KCNH2: variants seen among roughly 807,000 people sequenced by gnomAD.
KCNH2 encodes the protein potassium voltage-gated channel subfamily H member 2.
A neutral mutation model predicts 95.9 loss-of-function variants in KCNH2; 35 were observed. That is an observed-to-expected ratio of 0.37 (90% CI 0.28 to 0.48). The LOEUF is 0.48. Among genes scored for constraint, KCNH2 ranks in the 20% least tolerant of loss-of-function variants. KCNH2 has a pLI of 0.99. For missense variants in KCNH2, 1,274 were observed against 1,702.9 expected, an observed-to-expected ratio of 0.75 and a Z score of 4.43; for synonymous variants, 786 against 754.7, an observed-to-expected ratio of 1.04 and a Z score of -0.68.
chr7:150,950,065 C>T (rs1042662025), intron 9 of KCNH2, 103 bp downstream of exon 9: 1 of 1,612,470 alleles, frequency 6.2e-7, no homozygotes, highest in African/African-American at 1.3e-5. Flanking sequence ...ACCCTGCAGG[C>T]AGTCCCAGGT....
At position 150,952,742 on chromosome 7, in the gene KCNH2, T is replaced by C. The variant is rs1801229604; in HGVS notation, c.1240A>G (p.Ile414Val). Residue 414 changes from isoleucine to valine, a missense_variant, in exon 6 of 15, where the codon ATC (isoleucine) becomes GTC (valine). Coordinates refer to ENST00000262186, the MANE Select transcript of KCNH2 (RefSeq NM_000238.4). This position sits in a 1 kb window ranked among gnomAD's most constrained non-coding sequence, Gnocchi z 7.3. ...SPFKAVWDWLILLLVIYTAVF... is the reference protein window; with the variant it reads ...SPFKAVWDWLVLLLVIYTAVF... ...GCCGTGTAGATGACCAGCAGCAGGA[T>C]GAGCCAGTCCCACACGGCCTTGAAG... The C allele has an allele frequency of 6.2e-7, 1 of 1,614,102 alleles. No individual in the cohort carries two copies. The highest frequency in any genetic ancestry group is 1.1e-5 in the South Asian group (1 of 91,070).
At chr7:150,964,903 G>T (rs111572101) in intron 2 of KCNH2, among the ~76,000 whole-genome samples, 2 of 152,186 alleles carry the variant, frequency 1.3e-5, no homozygotes, top group Non-Finnish European at 2.9e-5. Context: ...CCTGGCAGGG[G>T]GCCACCGTGT....
Position 150,947,428 on chromosome 7 carries a change from G to T in KCNH2, c.3052C>A (p.Pro1018Thr). The stretch of plus-strand genomic sequence containing the variant: ...GGGATGTTGAGGAGGCTGGGGGTGG[G>T]GGCGGGGCATCGAGGGAGCTCCTGG... Reference protein sequence around the residue: ...QYQELPRCPAPTPSLLNIPLS... With the variant: ...QYQELPRCPATTPSLLNIPLS... Residue 1018 changes from proline to threonine, a missense_variant, in exon 13 of 15, where the codon CCC (proline) becomes ACC (threonine). Transcript: ENST00000262186. 6.4e-7 allele frequency: 1 copy of T among 1,556,374 alleles called. No homozygotes were observed.
Position 150,946,818 on chromosome 7 carries a change from G to T in KCNH2, c.3330+59C>A. 2.0e-6 allele frequency: 3 copies of T among 1,497,156 alleles called. No individual in the cohort carries two copies. The highest frequency in any genetic ancestry group is 2.7e-6 in the Non-Finnish European group (3 of 1,091,754). 92.7% of individuals were successfully genotyped at this position (1,497,156 alleles called of 1,614,324 possible). ...GCAGAAAGGCAGCAAAGCAGGTTTG[G>T]GCTGGAATCGGGGAACAAGCGGGTC... is the stretch of plus-strand genomic sequence containing the variant. On this transcript the variant is annotated intron_variant, in intron 14 of 14. Transcript: ENST00000262186. This position sits in a 1 kb window ranked among gnomAD's most constrained non-coding sequence, Gnocchi z 6.5.
chr7:150,954,692 G>C (rs1312725162), intron 5 of KCNH2, among the ~76,000 whole-genome samples: 1 of 152,136 alleles, frequency 6.6e-6, no homozygotes, highest in African/African-American at 2.4e-5. Context: ...GTGCAGATGT[G>C]GGGTGGTGGG....
chr7:150,965,483 T>C (rs1329696255), intron 2 of KCNH2, among the ~76,000 whole-genome samples: 1 of 152,148 alleles, frequency 6.6e-6, no homozygotes, highest in African/African-American at 2.4e-5. Flanking sequence ...AAGGGCACGC[T>C]GATGCCAGGA....
intron 2 of KCNH2, among the ~76,000 whole-genome samples, chr7:150,971,931 G>GC (rs1235685580): frequency 6.6e-6 from 1 of 152,042 alleles, no homozygotes; most frequent in Admixed American, 6.5e-5. Flanking sequence ...TGTGGACCCA[G>GC]CCAGCACCTG....
At chr7:150,971,369 C>T (rs1290385656) in intron 2 of KCNH2, among the ~76,000 whole-genome samples, 4 of 152,166 alleles carry the variant, frequency 2.6e-5, no homozygotes, top group African/African-American at 7.2e-5. Flanking sequence ...CCCCTCCCAA[C>T]AGCCGCAGCA....
chr7:150,961,133 G>A lies in KCNH2; in HGVS notation c.308-1397C>T, dbSNP rs1022358254. ...TCTTCTCTGCCTCCCAGTGTCTCCC[G>A]TCCCCACGTTAGTGCCTAGCACCTA... On this transcript the variant is annotated intron_variant, in intron 2 of 14. Coordinates refer to ENST00000262186, the MANE Select transcript of KCNH2 (RefSeq NM_000238.4). This position sits in a 1 kb window ranked among gnomAD's most constrained non-coding sequence, Gnocchi z 6.2. 2.0e-5 allele frequency among the ~76,000 whole-genome samples: 3 copies of A among 151,976 alleles called. No individual in the cohort carries two copies. The highest frequency in any genetic ancestry group is 4.8e-5 in the African/African-American group (2 of 41,348).
Position 150,962,600 on chromosome 7 carries a change from C to T in KCNH2, c.308-2864G>A, listed in dbSNP as rs1017904209. Among the ~76,000 whole-genome samples the T allele has an allele frequency of 6.8e-6, 1 of 147,114 alleles. No homozygotes were observed. Among genetic ancestry groups the T allele is most frequent in the African/African-American group, 2.6e-5 (1 of 39,054 alleles). ...GCCACCTCACAGCACAAGCCTGTAACTCACACTTACACACACACACGAGAG... is the reference window on the plus strand; with the variant it reads ...GCCACCTCACAGCACAAGCCTGTAATTCACACTTACACACACACACGAGAG... On this transcript the variant is annotated intron_variant, in intron 2 of 14. Coordinates refer to ENST00000262186, the MANE Select transcript of KCNH2 (RefSeq NM_000238.4). This position sits in a 1 kb window ranked among gnomAD's most constrained non-coding sequence, Gnocchi z 5.7.
In KCNH2 at chr7:150,978,034, G is replaced by A; in HGVS notation, c.-121C>T. 2.7e-6 allele frequency: 1 copy of A among 366,874 alleles called. No homozygotes were observed. Among genetic ancestry groups the A allele is most frequent in the Non-Finnish European group, 4.5e-6 (1 of 224,060 alleles). The allele number at this position is 366,874 out of a possible 1,614,324, so 22.7% of individuals were successfully genotyped here. Reference sequence around the variant, plus strand: ...CGCACCCCGCGGCCAAGCCGAGCACGGGCGCGGCCAAGACTGGACTGCGGG... The same window carrying A: ...CGCACCCCGCGGCCAAGCCGAGCACAGGCGCGGCCAAGACTGGACTGCGGG... On this transcript the variant is annotated 5_prime_UTR_variant, in exon 1 of 15. Coordinates refer to ENST00000262186, the MANE Select transcript of KCNH2 (RefSeq NM_000238.4).
intron 1 of KCNH2, among the ~76,000 whole-genome samples, chr7:150,975,835 C>A (rs940589882): frequency 2.0e-5 from 3 of 152,180 alleles, no homozygotes; most frequent in African/African-American, 7.2e-5. Flanking sequence ...CCTGGACACA[C>A]CTGGAGCCTG....
chr7:150,977,975 T>G lies in KCNH2; in HGVS notation c.-62A>C. ...ACCCCGGCCCGGCCCGGCCCAGCAC[T>G]AGGCTTCGGGTGGCCCGGCCGGGCC... is the stretch of plus-strand genomic sequence containing the variant. On this transcript the variant is annotated 5_prime_UTR_variant, in exon 1 of 15. Coordinates refer to ENST00000262186, the MANE Select transcript of KCNH2 (RefSeq NM_000238.4). The G allele has an allele frequency of 3.0e-6, 3 of 999,358 alleles. No homozygotes were observed. Among genetic ancestry groups the G allele is most frequent in the Non-Finnish European group, 4.0e-6 (3 of 745,342 alleles). 61.9% of individuals were successfully genotyped at this position (999,358 alleles called of 1,614,324 possible).
In KCNH2 at chr7:150,958,366, C is replaced by A. The variant is rs2117005929; in HGVS notation, c.609G>T (p.Ala203=). Residue 203 remains alanine (A), a synonymous_variant, in exon 4 of 15, where the codon GCG becomes GCT. Transcript: ENST00000262186. The part of the protein sequence containing the change: ...AVVVDVDLTP[A]APSSESLALD... ...GGGCCAGCGACTCGCTGCTGGGTGC[C>A]GCGGGCGTCAGGTCCACGTCCACCA... The A allele has an allele frequency of 6.7e-7, 1 of 1,482,792 alleles. No homozygotes were observed. The highest frequency in any genetic ancestry group is 1.3e-5 in the South Asian group (1 of 78,766). The allele number at this position is 1,482,792 out of a possible 1,614,324, so 91.9% of individuals were successfully genotyped here.
At chr7:150,955,223 G>A (rs1801325821) in intron 5 of KCNH2, among the ~76,000 whole-genome samples, 1 of 152,252 alleles carries the variant, frequency 6.6e-6, no homozygotes, top group African/African-American at 2.4e-5. Context: ...CCCAGCCTGG[G>A]AGGGAATGAG....
chr7:150,971,768 G>A (rs1261110669), intron 2 of KCNH2, among the ~76,000 whole-genome samples: 2 of 151,936 alleles, frequency 1.3e-5, no homozygotes, highest in African/African-American at 2.4e-5. Context: ...CGAGAAGGTG[G>A]GCACAGTCAG....
At chr7:150,955,513 G>A (rs1382011821) in intron 5 of KCNH2, 1 of 1,541,164 alleles carries the variant, frequency 6.5e-7, no homozygotes, top group South Asian at 1.2e-5. Flanking sequence ...TGGAGGACTT[G>A]GCTCCCTGCA....
chr7:150,959,591 G>A lies in KCNH2; in HGVS notation c.453C>T (p.Pro151=). ...PAHDTNHRGP[P]TSWLAPGRAK... ...ACTTACCTGGGGCCAGCCAGCTGGT[G>A]GGGGGGCCCCGGTGGTTGGTGTCAT... The change falls in exon 3 of 15, where the codon CCC becomes CCT. Residue 151 remains proline (P), a synonymous_variant. Coordinates refer to ENST00000262186, the MANE Select transcript of KCNH2 (RefSeq NM_000238.4). The A allele has an allele frequency of 1.9e-6, 3 of 1,613,904 alleles. No homozygotes were observed. Among genetic ancestry groups the A allele is most frequent in the Non-Finnish European group, 1.7e-6 (2 of 1,179,876 alleles).
In KCNH2 at chr7:150,945,429, G is replaced by A. The variant is rs886062086; in HGVS notation, c.3416C>T (p.Pro1139Leu). ...QEGPTRRLSL[P>L]GQLGALTSQP... is the part of the protein sequence containing the mutation. ...GGAGGTGAGGGCCCCCAGCTGGCCC[G>A]GTAGGGAGAGGCGTCGTGTGGGGCC... Residue 1139 changes from proline (P) to leucine (L), a missense_variant, in exon 15 of 15, where the codon CCG becomes CTG. Physicochemically the swap from Pro to Leu is moderately conservative, Grantham distance 98. Around this residue, in one of 7 missense-constraint regions of KCNH2, gnomAD observed 457 missense variants for 416.1 expected, o/e 1.10. Coordinates refer to ENST00000262186, the MANE Select transcript of KCNH2 (RefSeq NM_000238.4). This position sits in a 1 kb window ranked among gnomAD's most constrained non-coding sequence, Gnocchi z 5.6. The A allele has an allele frequency of 4.4e-6, 7 of 1,573,502 alleles. No homozygotes were observed. Among genetic ancestry groups the A allele is most frequent in the Admixed American group, 1.8e-5 (1 of 54,352 alleles).
Sources: gnomAD v4.1 joint callset for allele counts (sites outside exome capture counted in the v4.1 genomes callset) on GRCh38, gnomAD v4.1.1 for gene constraint, gnomAD v4.1.1 regional missense constraint, Gnocchi (gnomAD v3.1) non-coding constraint, MANE v1.5 for transcripts, NCBI Gene and HGNC (gene_info 2026-07-23, HGNC 2026-07-21) for gene names.